The following CLEC16A variants were observed in gnomAD, a reference collection of about 807,000 sequenced individuals.
CLEC16A encodes the protein C-type lectin domain containing 16A, also known as protein CLEC16A.
CLEC16A carries 51 observed loss-of-function variants against 109.5 expected under a neutral mutation model. The ratio of observed to expected loss-of-function variants is 0.47; its 90% CI spans 0.37 to 0.59. The LOEUF is 0.59. Among genes scored for constraint, CLEC16A ranks in the 20% least tolerant of loss-of-function variants. The pLI, the probability that CLEC16A is intolerant of heterozygous loss-of-function variation, is 0.00. For synonymous variants in CLEC16A, 673 were observed against 564.2 expected, an observed-to-expected ratio of 1.19 and a Z score of -2.73; for missense variants, 1,339 against 1,394.0, an observed-to-expected ratio of 0.96 and a Z score of 0.63.
intron 19 of CLEC16A, among the ~76,000 whole-genome samples, chr16:11,117,897 CTA>C (rs2052118687): frequency 6.6e-6 from 1 of 152,170 alleles, no homozygotes; most frequent in Non-Finnish European, 1.5e-5. Flanking sequence ...TCTAATGGTC[CTA>C]TGTTACCCTG....
intron 19 of CLEC16A, among the ~76,000 whole-genome samples, chr16:11,089,112 G>T (rs931391924): frequency 2.6e-5 from 4 of 152,070 alleles, no homozygotes; most frequent in African/African-American, 9.7e-5. Context: ...CCTCTGGGTG[G>T]ATAGCCTCGG....
In CLEC16A at chr16:11,117,873, C is replaced by T. The variant is rs898999306; in HGVS notation, c.2117-2742C>T. Among the ~76,000 whole-genome samples, 6 of 152,184 alleles carry T rather than the reference C, an allele frequency of 3.9e-5. No individual in the cohort carries two copies. In the East Asian group the frequency reaches 1.2e-3, roughly 29 times the overall value. The stretch of plus-strand genomic sequence containing the variant: ...ATAAGTGGCAGAGGATTGCATACAG[C>T]GGTAGACCATAGATCTAATGGTCCT... On this transcript the variant is annotated intron_variant, in intron 19 of 23. Coordinates refer to ENST00000409790, the MANE Select transcript of CLEC16A (RefSeq NM_015226.3).
At chr16:11,034,077 C>T (rs1336091951) in intron 13 of CLEC16A, among the ~76,000 whole-genome samples, 1 of 152,098 alleles carries the variant, frequency 6.6e-6, no homozygotes, top group Admixed American at 6.5e-5. Context: ...TTTTGTTTTG[C>T]TGAGAAGTTA....
At chr16:11,025,166 G>A (rs1360495302) in intron 13 of CLEC16A, among the ~76,000 whole-genome samples, 1 of 152,194 alleles carries the variant, frequency 6.6e-6, no homozygotes, top group Non-Finnish European at 1.5e-5. Context: ...GGTGACTTGA[G>A]TGCCTAACCC....
intron 1 of CLEC16A, among the ~76,000 whole-genome samples, chr16:10,956,445 T>TG (rs1158104358): frequency 3.9e-5 from 6 of 152,150 alleles, no homozygotes; most frequent in African/African-American, 1.4e-4. Flanking sequence ...CCCTGAAAAC[T>TG]GAAGTTAGCC....
chr16:11,035,721 G>A (rs1032231182), intron 13 of CLEC16A, among the ~76,000 whole-genome samples: 1 of 152,226 alleles, frequency 6.6e-6, no homozygotes, highest in Admixed American at 6.5e-5. Flanking sequence ...CTTACCATGC[G>A]AAGGCAATCT....
intron 2 of CLEC16A, 29 bp from the exon 3 acceptor site, chr16:10,962,426 C>A: frequency 4.3e-6 from 7 of 1,613,564 alleles, no homozygotes; most frequent in Non-Finnish European, 5.9e-6. Context: ...TGGAAGCAAG[C>A]CACTGATGCT....
rs539437628 is a variant in CLEC16A, at chr16:11,075,402, G to C, written c.2116+14380G>C. On this transcript the variant is annotated intron_variant, in intron 19 of 23. Transcript: ENST00000409790. ...TCTGTGTGTGTGTGTGTGTGTGTGT[G>C]TGTGTGTGTCTGTGTGTGTGTGTGT... is the stretch of plus-strand genomic sequence containing the variant. Among the ~76,000 whole-genome samples the C allele has an allele frequency of 5.4e-4, 75 of 138,010 alleles. 1 individual carries two copies. The highest frequency in any genetic ancestry group is 1.3e-3 in the Admixed American group (18 of 13,982). 90.5% of individuals were successfully genotyped at this position (138,010 alleles called of 152,430 possible). A position where few individuals can be genotyped will look rare whatever the true frequency, so the allele number is the denominator to read the frequency against.
At chr16:10,953,876 C>G (rs2041856207) in intron 1 of CLEC16A, among the ~76,000 whole-genome samples, 1 of 151,728 alleles carries the variant, frequency 6.6e-6, no homozygotes, top group African/African-American at 2.4e-5. Context: ...ATTCGGAAGG[C>G]TGAGGCAGGG....
At chr16:10,981,706 G>A (rs1010464149) in intron 9 of CLEC16A, among the ~76,000 whole-genome samples, 30 of 152,178 alleles carry the variant, frequency 2.0e-4, no homozygotes, top group African/African-American at 6.5e-4. Context: ...GTTCAAACAT[G>A]TAAAAACCGG....
chr16:11,168,375 T>G (rs1278600048), intron 23 of CLEC16A, among the ~76,000 whole-genome samples: 3 of 152,200 alleles, frequency 2.0e-5, no homozygotes, highest in African/African-American at 7.2e-5. Flanking sequence ...TTCCAGTCAA[T>G]AAGTGAGAGT....
intron 23 of CLEC16A, among the ~76,000 whole-genome samples, chr16:11,171,856 A>G (rs1206003505): frequency 1.3e-5 from 2 of 152,156 alleles, no homozygotes; most frequent in Non-Finnish European, 2.9e-5. Context: ...CCACACAGTC[A>G]CACACATGCC....
At chr16:11,004,304 C>T (rs1044708091) in intron 11 of CLEC16A, among the ~76,000 whole-genome samples, 5 of 152,152 alleles carry the variant, frequency 3.3e-5, no homozygotes, top group Admixed American at 2.6e-4. Context: ...CTCTGCCCGT[C>T]GTCCTGGGCA....
chr16:11,121,275 A>T (rs2052389202), intron 20 of CLEC16A, among the ~76,000 whole-genome samples: 1 of 152,080 alleles, frequency 6.6e-6, no homozygotes, highest in African/African-American at 2.4e-5. Flanking sequence ...GGCATACTTA[A>T]CCCATGCCGT....
intron 8 of CLEC16A, 58 bp downstream of exon 8, chr16:10,977,457 G>A: frequency 1.4e-6 from 2 of 1,452,004 alleles, no homozygotes; most frequent in East Asian, 2.4e-5. Context: ...GGGAAGAACA[G>A]TCCCCAGTCC....
chr16:11,060,397 G>A (rs1208458010), intron 18 of CLEC16A, among the ~76,000 whole-genome samples: 1 of 152,190 alleles, frequency 6.6e-6, no homozygotes, highest in Non-Finnish European at 1.5e-5. Flanking sequence ...ACCCTCTTCT[G>A]TCTGCCCCAC....
Position 11,053,608 on chromosome 16 carries a change from C to T in CLEC16A, c.1995+1967C>T, listed in dbSNP as rs564322854. 5.9e-5 allele frequency among the ~76,000 whole-genome samples: 9 copies of T among 152,240 alleles called. No individual in the cohort carries two copies. In the South Asian group the frequency reaches 1.5e-3, roughly 25 times the overall value. On this transcript the variant is annotated intron_variant, in intron 18 of 23. Coordinates refer to ENST00000409790, the MANE Select transcript of CLEC16A (RefSeq NM_015226.3). ...CTGGTCTTGAACTCCTGGACCCAAG[C>T]GATCCGCCCACCTCGGCCTCTCAAA...
At chr16:10,983,119 G>C in intron 10 of CLEC16A, 128 bp downstream of exon 10, 1 of 585,830 alleles carries the variant, frequency 1.7e-6, no homozygotes, top group South Asian at 2.0e-5. Flanking sequence ...AGCTGGTCCG[G>C]GATTCAGTGA....
intron 3 of CLEC16A, among the ~76,000 whole-genome samples, chr16:10,967,917 C>G (rs1158842112): frequency 1.3e-5 from 2 of 148,720 alleles, no homozygotes; most frequent in East Asian, 3.9e-4. Flanking sequence ...GTGCTGGGCC[C>G]ACCCCTGGAG....
Sources: allele counts gnomAD v4.1 joint callset (sites outside exome capture counted in the v4.1 genomes callset), GRCh38; gene constraint gnomAD v4.1.1; transcripts MANE v1.5; gene names NCBI Gene and HGNC (gene_info 2026-07-23, HGNC 2026-07-21).